The following CCDC6 variants were observed in gnomAD, a reference collection of about 807,000 sequenced individuals.
CCDC6 encodes coiled-coil domain-containing protein 6.
Under a neutral mutation model 56.6 loss-of-function variants are expected in CCDC6, and 20 were observed. That is an observed-to-expected ratio of 0.35 (90% CI 0.25 to 0.51). The LOEUF (loss-of-function observed/expected upper bound fraction) is 0.51. Ranked by LOEUF, CCDC6 falls within the 20% of genes least tolerant of loss-of-function variation. CCDC6 has a pLI of 0.95. For missense variants in CCDC6, 367 were observed against 601.1 expected (o/e 0.61, Z 4.07); for synonymous variants, 241 against 234.4 (o/e 1.03, Z -0.26).
chr10:59,861,357 T>C (rs978981853), intron 1 of CCDC6, among the ~76,000 whole-genome samples: 9 of 142,148 alleles, frequency 6.3e-5, no homozygotes, highest in Non-Finnish European at 1.3e-4. Flanking sequence ...AGACTTCATC[T>C]CAGAAAACAA....
At chr10:59,893,449 GA>G (rs1404553295) in intron 1 of CCDC6, among the ~76,000 whole-genome samples, 1 of 152,034 alleles carries the variant, frequency 6.6e-6, no homozygotes, top group African/African-American at 2.4e-5. Flanking sequence ...AAAAATCCAA[GA>G]AACAAATAGC....
rs1160445090 is a variant in CCDC6, at chr10:59,792,228, T to A, written c.*689A>T. 3.6e-6 allele frequency: 1 copy of A among 276,702 alleles called. No individual in the cohort carries two copies. Among genetic ancestry groups the A allele is most frequent in the Non-Finnish European group, 6.9e-6 (1 of 144,070 alleles). 17.1% of individuals were successfully genotyped at this position (276,702 alleles called of 1,614,324 possible). On this transcript the variant is annotated 3_prime_UTR_variant, in exon 9 of 9. Transcript: ENST00000263102. ...AAGGATAAAAAAGAGAATCACATCT[T>A]AATATACGATAATTATCCATCCCAT...
chr10:59,863,686 T>G (rs1432164209), intron 1 of CCDC6, among the ~76,000 whole-genome samples: 1 of 152,228 alleles, frequency 6.6e-6, no homozygotes, highest in African/African-American at 2.4e-5. Context: ...AAATTCTATC[T>G]CAATAAAGCT....
intron 1 of CCDC6, among the ~76,000 whole-genome samples, chr10:59,894,935 C>A (rs992375778): frequency 1.3e-5 from 2 of 152,218 alleles, no homozygotes; most frequent in African/African-American, 4.8e-5. Context: ...GGCAAAGGAG[C>A]AGCCCTGACT....
intron 2 of CCDC6, among the ~76,000 whole-genome samples, chr10:59,835,432 C>T (rs948676135): frequency 6.6e-6 from 1 of 152,170 alleles, no homozygotes; most frequent in Non-Finnish European, 1.5e-5. Context: ...CAAAGCCTAA[C>T]AGAGCTCTCA....
chr10:59,858,591 C>A, intron 1 of CCDC6, among the ~76,000 whole-genome samples: 1 of 152,162 alleles, frequency 6.6e-6, no homozygotes, highest in East Asian at 1.9e-4. Context: ...ACCAGGTAGT[C>A]GTCACTGCCC....
chr10:59,814,754 A>C lies in CCDC6; in HGVS notation c.584T>G (p.Leu195Trp). ...TTCAAGGTCAATCTTCTCCCGTCTC[A>C]ACTAAAGGAAGGAAAAAAGTGTTAC... ...TISKQLTLEQ[L>W]RREKIDLENT... Residue 195 changes from leucine (L) to tryptophan (W), a missense_variant and splice_region_variant, in exon 4 of 9, where the codon TTG (leucine) becomes TGG (tryptophan). Transcript: ENST00000263102. 2 of 1,599,742 alleles carry C rather than the reference A, an allele frequency of 1.3e-6. No individual in the cohort carries two copies. Among genetic ancestry groups the C allele is most frequent in the Non-Finnish European group, 1.7e-6 (2 of 1,167,040 alleles).
intron 1 of CCDC6, among the ~76,000 whole-genome samples, chr10:59,882,025 G>A (rs28723397): frequency 0.72 from 35,240 of 48,662 alleles, 12,201 homozygotes; most frequent in Non-Finnish European, 0.77. Flanking sequence ...AAGGAAAGCC[G>A]CGGGGAGAAG....
chr10:59,875,426 G>GA (rs1421690161), intron 1 of CCDC6, among the ~76,000 whole-genome samples: 1 of 152,124 alleles, frequency 6.6e-6, no homozygotes, highest in East Asian at 1.9e-4. Flanking sequence ...AACACCAGAG[G>GA]AAAAAGAAGG....
intron 1 of CCDC6, among the ~76,000 whole-genome samples, chr10:59,890,964 A>G (rs779675334): frequency 2.0e-5 from 3 of 151,924 alleles, no homozygotes; most frequent in Non-Finnish European, 2.9e-5. Context: ...ATTCCCACCT[A>G]TGAGTGAGAA....
At chr10:59,843,777 C>T (rs2070963945) in intron 2 of CCDC6, among the ~76,000 whole-genome samples, 1 of 152,182 alleles carries the variant, frequency 6.6e-6, no homozygotes, top group South Asian at 2.1e-4. Context: ...AAATCAAAGC[C>T]TTGTGTCTCT....
At chr10:59,819,134 T>C (rs1450082433) in intron 3 of CCDC6, among the ~76,000 whole-genome samples, 1 of 152,228 alleles carries the variant, frequency 6.6e-6, no homozygotes, top group Non-Finnish European at 1.5e-5. Context: ...AATGTTTTTG[T>C]GACCAGAAAT....
chr10:59,811,842 T>C (rs1315889554), intron 5 of CCDC6, among the ~76,000 whole-genome samples: 1 of 151,916 alleles, frequency 6.6e-6, no homozygotes, highest in Non-Finnish European at 1.5e-5. Context: ...GAAAAAAAAA[T>C]CCACAATATA....
intron 1 of CCDC6, among the ~76,000 whole-genome samples, chr10:59,864,828 T>C (rs1008720841): frequency 6.6e-6 from 1 of 152,052 alleles, no homozygotes; most frequent in Non-Finnish European, 1.5e-5. Flanking sequence ...CTCAGATGTA[T>C]GCATGATATA....
chr10:59,883,771 G>T (rs1262154559), intron 1 of CCDC6, among the ~76,000 whole-genome samples: 1 of 152,142 alleles, frequency 6.6e-6, no homozygotes, highest in Admixed American at 6.5e-5. Context: ...AGAACAGAGG[G>T]CTAAGATCCC....
chr10:59,842,480 T>G (rs571786795), intron 2 of CCDC6, among the ~76,000 whole-genome samples: 2 of 152,256 alleles, frequency 1.3e-5, no homozygotes, highest in Non-Finnish European at 2.9e-5. Context: ...CTTTTTATTC[T>G]GTGAATGTGG....
At chr10:59,817,625 T>C (rs1056620096) in intron 3 of CCDC6, among the ~76,000 whole-genome samples, 3 of 152,210 alleles carry the variant, frequency 2.0e-5, no homozygotes, top group Admixed American at 1.3e-4. Flanking sequence ...GTATGATGTC[T>C]AGTGGAGAAA....
chr10:59,906,104 TC>T lies in CCDC6; in HGVS notation c.303+17del. 1.3e-6 allele frequency: 2 copies of T among 1,561,230 alleles called. No individual in the cohort carries two copies. The highest frequency in any genetic ancestry group is 8.7e-7 in the Non-Finnish European group (1 of 1,152,110). On this transcript the variant is annotated intron_variant, in intron 1 of 8. Transcript: ENST00000263102. ...GGGCGGAGGTCGGCGCTGCGGCGCG[TC>T]CCCGGGGGGCACTCACGATGGTCAC...
At chr10:59,854,101 T>C (rs750558851) in intron 1 of CCDC6, among the ~76,000 whole-genome samples, 35 of 152,080 alleles carry the variant, frequency 2.3e-4, no homozygotes, top group Non-Finnish European at 4.6e-4. Flanking sequence ...CTCCAGAACC[T>C]GTTATTTATA....
Sources: gnomAD v4.1 joint callset for allele counts (sites outside exome capture counted in the v4.1 genomes callset) on GRCh38, gnomAD v4.1.1 for gene constraint, MANE v1.5 for transcripts, NCBI Gene and HGNC (gene_info 2026-07-23, HGNC 2026-07-21) for gene names.